MFSD11: variants seen among roughly 807,000 people sequenced by gnomAD.
MFSD11 encodes major facilitator superfamily domain containing 11.
MFSD11 carries 36 observed loss-of-function variants against 53.5 expected under a neutral mutation model. The observed-to-expected ratio is 0.67, with a 90% CI of 0.52 to 0.89. The LOEUF is 0.89. Among genes scored for constraint, MFSD11 ranks in the 40% least tolerant of loss-of-function variants. The probability of loss-of-function intolerance (pLI) is 0.00; values close to 1 mark genes in which losing one functional copy is unlikely to be tolerated. For missense variants in MFSD11, 530 were observed against 543.9 expected (o/e 0.97, Z 0.25); for synonymous variants, 186 against 184.9 (o/e 1.01, Z -0.05).
Position 76,769,875 on chromosome 17 carries a change from G to A in MFSD11, c.874+4G>A. 1 of 1,599,408 alleles carries A rather than the reference G, an allele frequency of 6.3e-7. No individual in the cohort carries two copies. Among genetic ancestry groups the A allele is most frequent in the South Asian group, 1.1e-5 (1 of 87,100 alleles). On this transcript the variant is annotated splice_donor_region_variant and intron_variant, in intron 10 of 12. Coordinates refer to ENST00000685175, the MANE Select transcript of MFSD11 (RefSeq NM_001242532.5). Reference sequence around the variant, plus strand: ...ATCGGCATTGGAGAAATTTTAGGTTGGTTTTAAAAAAAAGCGTTTGCATTA... The same window carrying A: ...ATCGGCATTGGAGAAATTTTAGGTTAGTTTTAAAAAAAAGCGTTTGCATTA...
intron 2 of MFSD11, among the ~76,000 whole-genome samples, chr17:76,739,733 A>G (rs1420860824): frequency 6.6e-6 from 1 of 152,044 alleles, no homozygotes; most frequent in African/African-American, 2.4e-5. Flanking sequence ...CCCCCCACAA[A>G]CCCATAACTC....
the MFSD11 span, among the ~76,000 whole-genome samples, chr17:76,799,946 T>C: frequency 7.2e-6 from 1 of 139,610 alleles, no homozygotes; most frequent in Admixed American, 7.2e-5. Flanking sequence ...TTTTTTCTTT[T>C]TCTTTTTCCT....
chr17:76,775,379 T>C (rs1343507459), intron 11 of MFSD11, among the ~76,000 whole-genome samples: 1 of 152,202 alleles, frequency 6.6e-6, no homozygotes, highest in Admixed American at 6.5e-5. Flanking sequence ...TTTAACCTTT[T>C]CCCCCACTAA....
intron 7 of MFSD11, among the ~76,000 whole-genome samples, chr17:76,753,180 C>T (rs572168762): frequency 2.6e-5 from 4 of 152,160 alleles, no homozygotes; most frequent in South Asian, 2.1e-4. Context: ...TCTTGGTTCT[C>T]GATACCCAAA....
At chr17:76,775,590 C>G (rs983609458) in intron 11 of MFSD11, among the ~76,000 whole-genome samples, 4 of 152,172 alleles carry the variant, frequency 2.6e-5, no homozygotes, top group Non-Finnish European at 5.9e-5. Context: ...TTAGTGCACT[C>G]AACTCTCAAG....
At chr17:76,794,273 CA>C in the MFSD11 span, among the ~76,000 whole-genome samples, 1 of 150,980 alleles carries the variant, frequency 6.6e-6, no homozygotes, top group Non-Finnish European at 1.5e-5. Flanking sequence ...TACCTGAGGT[CA>C]GGAGTTCGAG....
At chr17:76,750,899 G>A (rs1253337289) in intron 7 of MFSD11, among the ~76,000 whole-genome samples, 1 of 150,552 alleles carries the variant, frequency 6.6e-6, no homozygotes, top group African/African-American at 2.4e-5. Flanking sequence ...CGCCTTCCAT[G>A]TTCAAGTGAT....
chr17:76,754,714 C>T (rs2079403967), intron 8 of MFSD11, among the ~76,000 whole-genome samples: 1 of 149,468 alleles, frequency 6.7e-6, no homozygotes, highest in Non-Finnish European at 1.5e-5. Context: ...AGATTGCTTG[C>T]TACTTCTTGG....
At chr17:76,750,789 T>C (rs77373397) in intron 7 of MFSD11, among the ~76,000 whole-genome samples, 1 of 151,920 alleles carries the variant, frequency 6.6e-6, no homozygotes, top group African/African-American at 2.4e-5. Flanking sequence ...ACTTGGCTAT[T>C]AGGATAGGAA....
chr17:76,801,476 T>G, the MFSD11 span, among the ~76,000 whole-genome samples: 1 of 133,658 alleles, frequency 7.5e-6, no homozygotes. Flanking sequence ...AGACCAAGTC[T>G]CACTCTGTCA....
chr17:76,742,124 T>G lies in MFSD11; in HGVS notation c.341-53T>G, dbSNP rs1462223233. On this transcript the variant is annotated intron_variant, in intron 4 of 12. Transcript: ENST00000685175. ...AAGGGTATTATTTATGTGTTTAGTA[T>G]GTGACTCTAAGTGAATTTCTTTCCC... The G allele has an allele frequency of 3.7e-6, 6 of 1,613,690 alleles. No homozygotes were observed. The East Asian group carries it at 1.3e-4, about 36-fold the overall frequency.
intron 8 of MFSD11, 89 bp downstream of exon 8, chr17:76,754,176 A>T: frequency 9.6e-7 from 1 of 1,042,888 alleles, no homozygotes; most frequent in Non-Finnish European, 1.5e-6. Context: ...CTTTGGATTG[A>T]TGACACCCCA....
intron 8 of MFSD11, among the ~76,000 whole-genome samples, chr17:76,758,568 C>T (rs1302703198): frequency 1.2e-4 from 14 of 118,930 alleles, no homozygotes; most frequent in East Asian, 4.7e-4. Context: ...GGGCACAGAG[C>T]GAGACCAGGT....
chr17:76,744,189 G>C lies in MFSD11; in HGVS notation c.497-133G>C, dbSNP rs116545909. 1,704 of 786,500 alleles carry C rather than the reference G, an allele frequency of 2.2e-3. 19 individuals are homozygous for C. In the African/African-American group the frequency reaches 0.028, roughly 13 times the overall value. 48.7% of individuals were successfully genotyped at this position (786,500 alleles called of 1,614,324 possible). ...GTATCCTATTTGTCTCCTTTTCCTA[G>C]GTTTTTACTGATGCATTAAAGTAAA... On this transcript the variant is annotated intron_variant, in intron 6 of 12. Transcript: ENST00000685175.
chr17:76,755,744 ATATATGTG>A (rs1193431126), intron 8 of MFSD11, among the ~76,000 whole-genome samples: 9 of 126,762 alleles, frequency 7.1e-5, no homozygotes, highest in African/African-American at 2.4e-4. Context: ...ATATATGTAT[ATATATGTG>A]TATATGTATA....
chr17:76,773,435 G>T (rs2081544127), intron 10 of MFSD11: 1 of 152,212 alleles, frequency 6.6e-6, no homozygotes, highest in Non-Finnish European at 1.5e-5. Context: ...TAGATGTGTA[G>T]TCATGTTTCA....
the MFSD11 span, among the ~76,000 whole-genome samples, chr17:76,788,102 A>G: frequency 6.7e-6 from 1 of 148,894 alleles, no homozygotes; most frequent in African/African-American, 2.5e-5. Context: ...ATGCAGTGGC[A>G]TGATCTCAGC....
chr17:76,779,601 T>C (rs770847255), downstream of MFSD11, among the ~76,000 whole-genome samples: 7 of 152,096 alleles, frequency 4.6e-5, no homozygotes, highest in Non-Finnish European at 7.4e-5. Context: ...TCTCATTCTT[T>C]AGCCTCCCAA....
intron 8 of MFSD11, among the ~76,000 whole-genome samples, chr17:76,762,694 G>C (rs1456350215): frequency 6.7e-6 from 1 of 149,584 alleles, no homozygotes; most frequent in Non-Finnish European, 1.5e-5. Context: ...TGACCAGCTA[G>C]TGAGACTCAC....
Sources: gnomAD v4.1 joint callset for allele counts (sites outside exome capture counted in the v4.1 genomes callset) on GRCh38, gnomAD v4.1.1 for gene constraint, MANE v1.5 for transcripts, NCBI Gene and HGNC (gene_info 2026-07-23, HGNC 2026-07-21) for gene names.